Variants in OCA2 observed in about 807,000 individuals in gnomAD.
OCA2 encodes OCA2 melanosomal transmembrane protein, also known as P protein.
In OCA2, 77 loss-of-function variants were observed where a neutral mutation model predicts 100.2. The observed-to-expected ratio is 0.77, with a 90% confidence interval of 0.64 to 0.93. OCA2 has a LOEUF of 0.93. Ranked by LOEUF, OCA2 falls within the 40% of genes least tolerant of loss-of-function variation. OCA2 has a pLI of 0.00. For synonymous variants in OCA2, 432 were observed against 439.2 expected (o/e 0.98, Z 0.21); for missense variants, 1,062 against 1,089.1 (o/e 0.98, Z 0.35).
chr15:27,851,109 C>G (rs1051166088), intron 22 of OCA2, among the ~76,000 whole-genome samples: 2 of 152,202 alleles, frequency 1.3e-5, no homozygotes, highest in African/African-American at 4.8e-5. Flanking sequence ...ACGACCCACA[C>G]AGGCACACGG....
At chr15:28,044,185 G>T (rs2043282094) in intron 2 of OCA2, among the ~76,000 whole-genome samples, 1 of 152,172 alleles carries the variant, frequency 6.6e-6, no homozygotes, top group Admixed American at 6.5e-5. Flanking sequence ...AAAAAAAGGG[G>T]AAGTATAGTC....
chr15:27,884,653 A>T (rs2037153696), intron 19 of OCA2, among the ~76,000 whole-genome samples: 1 of 152,250 alleles, frequency 6.6e-6, no homozygotes, highest in African/African-American at 2.4e-5. Flanking sequence ...TCTGTAATTT[A>T]AAAACTAATC....
intron 2 of OCA2, among the ~76,000 whole-genome samples, chr15:28,049,138 A>G (rs1311984146): frequency 6.6e-6 from 1 of 152,208 alleles, no homozygotes. Flanking sequence ...AACAACAAAA[A>G]TACAACCCAA....
chr15:28,016,219 C>G (rs2042388843), intron 7 of OCA2, 33 bp from the exon 8 acceptor site: 2 of 1,544,636 alleles, frequency 1.3e-6, no homozygotes, highest in Non-Finnish European at 1.8e-6. Flanking sequence ...TATGGTGAGG[C>G]TTTTCACCTG....
intron 2 of OCA2, among the ~76,000 whole-genome samples, chr15:28,076,046 A>AG (rs2044417266): frequency 6.6e-6 from 1 of 152,250 alleles, no homozygotes; most frequent in South Asian, 2.1e-4. Context: ...AATAGCTTTG[A>AG]GCAATCTGCA....
chr15:27,887,507 A>G (rs992346684), intron 19 of OCA2, among the ~76,000 whole-genome samples: 1 of 151,258 alleles, frequency 6.6e-6, no homozygotes, highest in Non-Finnish European at 1.5e-5. Flanking sequence ...ACAGAACCTG[A>G]GGAGGGACCC....
Position 27,889,078 on chromosome 15 carries a change from T to C in OCA2, c.2080-17156A>G, listed in dbSNP as rs149109694. ...CTGAGTATTAAACTACAGGTTAGACTGAGCCACACATGAAGAGAAGTTAGA... is the reference window on the plus strand; with the variant it reads ...CTGAGTATTAAACTACAGGTTAGACCGAGCCACACATGAAGAGAAGTTAGA... On this transcript the variant is annotated intron_variant, in intron 19 of 23. Transcript: ENST00000354638. Among the ~76,000 whole-genome samples the C allele has an allele frequency of 6.4e-4, 98 of 152,330 alleles. 3 individuals are homozygous for C. The Middle Eastern group carries it at 0.024, about 37-fold the overall frequency.
At chr15:27,917,451 T>C (rs954057040) in intron 19 of OCA2, among the ~76,000 whole-genome samples, 2 of 152,220 alleles carry the variant, frequency 1.3e-5, no homozygotes, top group Admixed American at 6.5e-5. Context: ...ATAAACATCA[T>C]GTGAACTATA....
chr15:27,792,675 C>A (rs1417916675), intron 23 of OCA2, among the ~76,000 whole-genome samples: 1 of 152,150 alleles, frequency 6.6e-6, no homozygotes, highest in Admixed American at 6.5e-5. Flanking sequence ...CCCGGGTGTA[C>A]CTCAACCACA....
intron 23 of OCA2, among the ~76,000 whole-genome samples, chr15:27,799,888 T>A (rs988027300): frequency 6.6e-6 from 1 of 151,310 alleles, no homozygotes; most frequent in Non-Finnish European, 1.5e-5. Flanking sequence ...GCTCAAAAAG[T>A]GGTAAAAAGG....
At chr15:27,870,881 G>A (rs1320559387) in intron 21 of OCA2, among the ~76,000 whole-genome samples, 1 of 150,364 alleles carries the variant, frequency 6.7e-6, no homozygotes, top group Non-Finnish European at 1.5e-5. Context: ...TTTCTGGGAG[G>A]GGTGGCAGCT....
the OCA2 span, among the ~76,000 whole-genome samples, chr15:27,741,568 G>C: frequency 2.6e-5 from 4 of 152,198 alleles, no homozygotes; most frequent in African/African-American, 9.7e-5. Context: ...TCAAGTTACT[G>C]AATGTTTTGT....
chr15:27,951,486 G>A (rs963061175), intron 18 of OCA2, among the ~76,000 whole-genome samples: 4 of 152,202 alleles, frequency 2.6e-5, no homozygotes, highest in Non-Finnish European at 1.5e-5. Flanking sequence ...AACTACAATA[G>A]ACAGGACAGT....
intron 18 of OCA2, among the ~76,000 whole-genome samples, chr15:27,949,387 G>C (rs2039956722): frequency 6.6e-6 from 1 of 152,214 alleles, no homozygotes; most frequent in Non-Finnish European, 1.5e-5. Context: ...TTCTGGCCGG[G>C]CATAGTAGCT....
At chr15:27,858,076 G>A (rs1187684722) in intron 21 of OCA2, among the ~76,000 whole-genome samples, 1 of 151,534 alleles carries the variant, frequency 6.6e-6, no homozygotes, top group African/African-American at 2.4e-5. Context: ...AAGATATGCA[G>A]AAAAGAAATA....
At chr15:27,916,174 T>C (rs1194632381) in intron 19 of OCA2, among the ~76,000 whole-genome samples, 3 of 152,096 alleles carry the variant, frequency 2.0e-5, no homozygotes, top group Non-Finnish European at 2.9e-5. Context: ...AAGGGAACCA[T>C]AGACACTGGA....
chr15:27,769,847 C>T (rs1207775066), intron 23 of OCA2, among the ~76,000 whole-genome samples: 1 of 149,390 alleles, frequency 6.7e-6, no homozygotes, highest in African/African-American at 2.6e-5. Context: ...CCCCTTGAGG[C>T]CTGCCCTCCC....
the OCA2 span, among the ~76,000 whole-genome samples, chr15:27,725,368 G>C: frequency 6.6e-6 from 1 of 152,196 alleles, no homozygotes; most frequent in Non-Finnish European, 1.5e-5. Flanking sequence ...CCTGAGGTCA[G>C]GAGTTCAAGA....
At chr15:27,920,864 A>C (rs2140330988) in intron 19 of OCA2, among the ~76,000 whole-genome samples, 1 of 152,252 alleles carries the variant, frequency 6.6e-6, no homozygotes, top group South Asian at 2.1e-4. Flanking sequence ...ATAGATCAAT[A>C]GAAATTACTC....
Sources: allele counts gnomAD v4.1 joint callset (sites outside exome capture counted in the v4.1 genomes callset), GRCh38; gene constraint gnomAD v4.1.1; transcripts MANE v1.5; gene names NCBI Gene and HGNC (gene_info 2026-07-23, HGNC 2026-07-21).